The following PDE3B variants were observed in gnomAD, a reference collection of about 807,000 sequenced individuals.
PDE3B encodes the protein cGMP-inhibited 3',5'-cyclic phosphodiesterase 3B.
A neutral mutation model predicts 116.8 loss-of-function variants in PDE3B; 66 were observed. The observed-to-expected ratio is 0.56, with a 90% CI of 0.46 to 0.69. The LOEUF is 0.69. Among genes scored for constraint, PDE3B ranks in the 30% least tolerant of loss-of-function variants. The pLI is 0.00. For synonymous variants in PDE3B, 595 were observed against 533.6 expected (o/e 1.12, Z -1.59); for missense variants, 1,384 against 1,368.1 (o/e 1.01, Z -0.18).
chr11:14,876,164 T>A (rs1848186779), downstream of PDE3B, among the ~76,000 whole-genome samples: 1 of 152,052 alleles, frequency 6.6e-6, no homozygotes, highest in Non-Finnish European at 1.5e-5. Flanking sequence ...GATGAGAGAT[T>A]TGCTGTATCA....
intron 1 of PDE3B, among the ~76,000 whole-genome samples, chr11:14,722,386 CAGAT>C (rs1448604678): frequency 6.6e-6 from 1 of 151,472 alleles, no homozygotes; most frequent in African/African-American, 2.4e-5. Flanking sequence ...TGTCAACTGG[CAGAT>C]AGAGTAAAAA....
chr11:14,711,427 AAAG>A (rs1258524502), intron 1 of PDE3B, among the ~76,000 whole-genome samples: 2 of 152,148 alleles, frequency 1.3e-5, no homozygotes, highest in Non-Finnish European at 2.9e-5. Flanking sequence ...ATTTATAAGA[AAAG>A]AAGTTTAATT....
rs1857703884 is a variant in PDE3B, at chr11:14,773,578, A to C, written c.1029+1591A>C. The C allele has an allele frequency of 2.0e-5, 3 of 152,156 alleles. No homozygotes were observed. In the South Asian group the frequency reaches 6.2e-4, roughly 32 times the overall value. 9.4% of individuals were successfully genotyped at this position (152,156 alleles called of 1,614,324 possible). ...ATTTCCTCCTTTAATGTTTGGAAGA[A>C]TGCTCTGGTGAAGCTATCTCACCTT... is the stretch of plus-strand genomic sequence containing the variant. On this transcript the variant is annotated intron_variant, in intron 2 of 15. Coordinates refer to ENST00000282096, the MANE Select transcript of PDE3B (RefSeq NM_000922.4).
intron 1 of PDE3B, among the ~76,000 whole-genome samples, chr11:14,664,676 A>T (rs1016673031): frequency 2.6e-5 from 4 of 152,250 alleles, no homozygotes; most frequent in African/African-American, 9.6e-5. Context: ...GAAGAAAGGG[A>T]TAAATTCCTC....
At chr11:14,850,772 A>C (rs535210308) in intron 12 of PDE3B, among the ~76,000 whole-genome samples, 5 of 152,142 alleles carry the variant, frequency 3.3e-5, no homozygotes, top group Non-Finnish European at 1.5e-5. Flanking sequence ...ACAAATAGAT[A>C]CTGTAATTGC....
intron 2 of PDE3B, among the ~76,000 whole-genome samples, chr11:14,780,605 C>G (rs1857960161): frequency 6.6e-6 from 1 of 152,108 alleles, no homozygotes; most frequent in Admixed American, 6.5e-5. Flanking sequence ...TAAAGATGGT[C>G]TGTGAAACCA....
intron 1 of PDE3B, among the ~76,000 whole-genome samples, chr11:14,743,790 CATGGCTTCCCTT>C (rs1028587725): frequency 6.6e-6 from 1 of 152,212 alleles, no homozygotes; most frequent in African/African-American, 2.4e-5. Flanking sequence ...CACAGTCCCT[CATGGCTTCCCTT>C]GGCTAGGGGA....
chr11:14,644,099 C>T lies in PDE3B; in HGVS notation c.24C>T (p.Ala8=). MRRDERD[A]KAMRSLQPPD... ...CCATGAGGAGGGACGAGCGAGACGCCAAAGCCATGCGGTCCCTGCAGCCGC... is the reference window on the plus strand; with the variant it reads ...CCATGAGGAGGGACGAGCGAGACGCTAAAGCCATGCGGTCCCTGCAGCCGC... Residue 8 remains alanine (A), a synonymous_variant, in exon 1 of 16, where the codon GCC becomes GCT. Coordinates refer to ENST00000282096, the MANE Select transcript of PDE3B (RefSeq NM_000922.4). The T allele has an allele frequency of 1.3e-6, 2 of 1,566,668 alleles. No homozygotes were observed. Among genetic ancestry groups the T allele is most frequent in the Non-Finnish European group, 1.7e-6 (2 of 1,166,392 alleles).
At chr11:14,896,247 G>C in the PDE3B span, among the ~76,000 whole-genome samples, 1 of 152,166 alleles carries the variant, frequency 6.6e-6, no homozygotes, top group Non-Finnish European at 1.5e-5. Context: ...TCCAAATGCA[G>C]TAACAGAGAG....
chr11:14,866,136 A>G (rs1304011220), intron 14 of PDE3B, among the ~76,000 whole-genome samples: 2 of 152,188 alleles, frequency 1.3e-5, no homozygotes, highest in African/African-American at 2.4e-5. Context: ...ATATATGTAG[A>G]CTTCTTAGAA....
At chr11:14,896,004 C>T in the PDE3B span, among the ~76,000 whole-genome samples, 1 of 151,922 alleles carries the variant, frequency 6.6e-6, no homozygotes, top group Non-Finnish European at 1.5e-5. Flanking sequence ...AGAGAAACTT[C>T]TTTCCCTTCA....
intron 4 of PDE3B, among the ~76,000 whole-genome samples, chr11:14,803,143 A>G (rs918793865): frequency 2.6e-5 from 4 of 152,182 alleles, no homozygotes; most frequent in African/African-American, 7.2e-5. Context: ...TAGTCAGGGA[A>G]ATCAAGGCTA....
At chr11:14,836,481 A>G (rs187537506) in intron 11 of PDE3B, among the ~76,000 whole-genome samples, 127 of 152,198 alleles carry the variant, frequency 8.3e-4, no homozygotes, top group African/African-American at 2.8e-3. Flanking sequence ...GGTTTCTATC[A>G]TGCTCTTCAA....
At chr11:14,852,143 A>G (rs1361896150) in intron 12 of PDE3B, among the ~76,000 whole-genome samples, 4 of 152,140 alleles carry the variant, frequency 2.6e-5, no homozygotes, top group East Asian at 3.9e-4. Context: ...TGCAACCTCC[A>G]TCTCCTGGAT....
At chr11:14,844,316 C>A (rs1847540432) in intron 12 of PDE3B, among the ~76,000 whole-genome samples, 1 of 152,182 alleles carries the variant, frequency 6.6e-6, no homozygotes, top group African/African-American at 2.4e-5. Context: ...ATCAAACCAG[C>A]AAAACTCTGA....
At chr11:14,827,403 A>T (rs1859732368) in intron 7 of PDE3B, among the ~76,000 whole-genome samples, 1 of 152,180 alleles carries the variant, frequency 6.6e-6, no homozygotes, top group South Asian at 2.1e-4. Flanking sequence ...ACATGATTCT[A>T]TATCTAGAAA....
At chr11:14,734,002 C>A (rs1418760219) in intron 1 of PDE3B, among the ~76,000 whole-genome samples, 2 of 152,166 alleles carry the variant, frequency 1.3e-5, no homozygotes, top group African/African-American at 4.8e-5. Flanking sequence ...CGACTAAAAA[C>A]AAATTAAGTG....
chr11:14,763,494 G>A (rs915067020), intron 1 of PDE3B, among the ~76,000 whole-genome samples: 2 of 152,052 alleles, frequency 1.3e-5, no homozygotes, highest in Admixed American at 6.6e-5. Context: ...TCATGATAAA[G>A]GGGTGTGTGT....
chr11:14,841,781 C>T (rs1215956967), intron 11 of PDE3B, among the ~76,000 whole-genome samples: 5 of 54,126 alleles, frequency 9.2e-5, no homozygotes, highest in Admixed American at 6.7e-4. Context: ...CCACCTGCCT[C>T]GGCCTCCCAA....
Sources: allele counts gnomAD v4.1 joint callset (sites outside exome capture counted in the v4.1 genomes callset), GRCh38; gene constraint gnomAD v4.1.1; transcripts MANE v1.5; gene names NCBI Gene and HGNC (gene_info 2026-07-23, HGNC 2026-07-21).